The following PPFIA4 variants were observed in gnomAD, a reference collection of about 807,000 sequenced individuals.
PPFIA4 encodes the protein PPFI scaffold protein A4.
In PPFIA4, 98 loss-of-function variants were observed where a neutral mutation model predicts 145.7. The observed-to-expected ratio is 0.67, with a 90% CI of 0.57 to 0.80. The LOEUF is 0.80. Ranked by LOEUF, PPFIA4 falls within the 30% of genes least tolerant of loss-of-function variation. PPFIA4 has a pLI of 0.00. For missense variants in PPFIA4, 1,457 were observed against 1,632.7 expected (o/e 0.89, Z 1.85); for synonymous variants, 628 against 649.6 (o/e 0.97, Z 0.51).
Position 203,055,607 on chromosome 1 carries a change from T to C in PPFIA4, c.2005T>C (p.Ser669Pro). ...ASASPPLSGR[S>P]TPKLTSRSAA... ...CGCGTCCCCACCACTCAGCGGCCGC[T>C]CCACACCTAAGCTCACCTCCCGCAG... Residue 669 changes from serine to proline, a missense_variant, in exon 16 of 30, where the codon TCC (serine) becomes CCC (proline). Around this residue, in one of 3 missense-constraint regions of PPFIA4, gnomAD observed 848 missense variants for 1,046.7 expected, o/e 0.81. Transcript: ENST00000295706. This position sits in a 1 kb window ranked among gnomAD's most constrained non-coding sequence, Gnocchi z 4.8. 2 of 1,613,904 alleles carry C rather than the reference T, an allele frequency of 1.2e-6. No individual in the cohort carries two copies. The highest frequency in any genetic ancestry group is 2.7e-5 in the African/African-American group (2 of 75,008).
chr1:203,034,747 G>C (rs1327798386), intron 1 of PPFIA4: 4 of 455,818 alleles, frequency 8.8e-6, no homozygotes, highest in Non-Finnish European at 1.8e-5. Flanking sequence ...AGGCCGAGGG[G>C]AGCTGTCCTC....
In PPFIA4 at chr1:203,049,667, C is replaced by T. The variant is rs755526895; in HGVS notation, c.1420-9C>T. The T allele has an allele frequency of 4.6e-6, 7 of 1,513,326 alleles. No individual in the cohort carries two copies. The highest frequency in any genetic ancestry group is 6.2e-6 in the Non-Finnish European group (7 of 1,127,212). 93.7% of individuals were successfully genotyped at this position (1,513,326 alleles called of 1,614,324 possible). On this transcript the variant is annotated splice_polypyrimidine_tract_variant and intron_variant, in intron 12 of 29. Transcript: ENST00000295706. ...CACTCCCGCCCCCACCCCGGGTCTG[C>T]TGGCACAGGGCCGCCTGTCTGAAGA...
intron 27 of PPFIA4, among the ~76,000 whole-genome samples, chr1:203,071,435 T>TGCTGAGATTACAGGTGTGAGCCACCGC (rs373961170): frequency 6.6e-6 from 1 of 151,270 alleles, no homozygotes; most frequent in South Asian, 2.1e-4. Context: ...CCTCCCAAAG[T>TGCTGAGATTACAGGTGTGAGCCACCGC]GCCCGGCCAC....
In PPFIA4 at chr1:203,044,764, G is replaced by T; in HGVS notation, c.645G>T (p.Leu215=). 6.4e-7 allele frequency: 1 copy of T among 1,565,190 alleles called. No homozygotes were observed. The highest frequency in any genetic ancestry group is 8.7e-7 in the Non-Finnish European group (1 of 1,155,104). ...GAAEEEGTVE[L]GPKRLWKEDT... is the part of the protein sequence containing the mutation. The stretch of plus-strand genomic sequence containing the variant: ...CAGAAGAGGAGGGGACTGTGGAGCT[G>T]GGGCCGAAACGCCTGTGGAAGGTAG... Residue 215 remains leucine, a synonymous_variant, in exon 6 of 30, where the codon CTG becomes CTT. Coordinates refer to ENST00000295706, the MANE Select transcript of PPFIA4 (RefSeq NM_001304331.2).
intron 17 of PPFIA4, 34 bp from the exon 18 acceptor site, chr1:203,056,341 C>T (rs745772201): frequency 2.5e-6 from 4 of 1,610,372 alleles, no homozygotes; most frequent in Non-Finnish European, 3.4e-6. Context: ...GAGATCTCTC[C>T]CTCTATCCCC....
chr1:203,032,636 G>T (rs1317195908), intron 1 of PPFIA4, among the ~76,000 whole-genome samples: 7 of 143,794 alleles, frequency 4.9e-5, no homozygotes, highest in Admixed American at 3.5e-4. Context: ...TTTTAAGAGA[G>T]GATGTCTCAC....
At position 203,046,236 on chromosome 1, in the gene PPFIA4, C is replaced by G. The variant is rs780800215; in HGVS notation, c.1006-12C>G. The G allele has an allele frequency of 1.3e-6, 2 of 1,582,472 alleles. No individual in the cohort carries two copies. The highest frequency in any genetic ancestry group is 1.2e-5 in the South Asian group (1 of 86,858). On this transcript the variant is annotated splice_polypyrimidine_tract_variant and intron_variant, in intron 8 of 29. Coordinates refer to ENST00000295706, the MANE Select transcript of PPFIA4 (RefSeq NM_001304331.2). ...TCCCTTTTGAATCACTTCACCACCC[C>G]CACATTGCTAGTGTGAGGAGAAGGC... is the stretch of plus-strand genomic sequence containing the variant.
Position 203,060,375 on chromosome 1 carries a change from G to T in PPFIA4, c.2742G>T (p.Met914Ile). The T allele has an allele frequency of 1.2e-6, 2 of 1,613,924 alleles. No homozygotes were observed. Among genetic ancestry groups the T allele is most frequent in the Non-Finnish European group, 1.7e-6 (2 of 1,179,892 alleles). ...AGCTCCGCCTGGCCATTCAGGAGAT[G>T]GTGTCATTGACCAGCCCCTCTGCCC... ...RLKLRLAIQE[M>I]VSLTSPSAPP... The change falls in exon 22 of 30, where the codon ATG becomes ATT. Residue 914 changes from methionine (M) to isoleucine (I), a missense_variant. Physicochemically the swap from Met to Ile is conservative, Grantham distance 10. This residue lies in a region of PPFIA4 where 848 missense variants were observed against 1,046.7 expected (regional missense o/e 0.81). Coordinates refer to ENST00000295706, the MANE Select transcript of PPFIA4 (RefSeq NM_001304331.2). This position sits in a 1 kb window ranked among gnomAD's most constrained non-coding sequence, Gnocchi z 4.8.
chr1:203,034,438 C>T (rs1011134829), intron 1 of PPFIA4: 7 of 455,414 alleles, frequency 1.5e-5, no homozygotes, highest in African/African-American at 6.0e-5. Flanking sequence ...AGCTTCTGGG[C>T]AGCCTGAGGC....
intron 1 of PPFIA4, among the ~76,000 whole-genome samples, chr1:203,031,088 C>T (rs1052446014): frequency 7.2e-5 from 11 of 152,198 alleles, no homozygotes; most frequent in Admixed American, 7.2e-4. Flanking sequence ...TCCCCTCTCT[C>T]TCCCTATTGC....
Position 203,043,962 on chromosome 1 carries a change from C to T in PPFIA4, c.368C>T (p.Ser123Phe). ...LLLEHLECLV[S>F]RHERSLRMTV... Reference sequence around the variant, plus strand: ...CTGGAACATCTGGAGTGCCTGGTGTCCCGCCATGAACGGTCACTGCGGATG... The same window carrying T: ...CTGGAACATCTGGAGTGCCTGGTGTTCCGCCATGAACGGTCACTGCGGATG... Residue 123 changes from serine to phenylalanine, a missense_variant, in exon 4 of 30, where the codon TCC (serine) becomes TTC (phenylalanine). By Grantham distance (155) the Ser-to-Phe change is radical. Around this residue, in one of 3 missense-constraint regions of PPFIA4, gnomAD observed 463 missense variants for 459.8 expected, o/e 1.01. Coordinates refer to ENST00000295706, the MANE Select transcript of PPFIA4 (RefSeq NM_001304331.2). This position sits in a 1 kb window ranked among gnomAD's most constrained non-coding sequence, Gnocchi z 4.4. The T allele has an allele frequency of 3.1e-6, 5 of 1,610,292 alleles. No homozygotes were observed. Among genetic ancestry groups the T allele is most frequent in the Non-Finnish European group, 4.2e-6 (5 of 1,178,482 alleles).
chr1:203,053,825 A>T lies in PPFIA4; in HGVS notation c.1693A>T (p.Ile565Phe). Residue 565 changes from isoleucine (I) to phenylalanine (F), a missense_variant, in exon 15 of 30, where the codon ATC becomes TTC. Ile to Phe is a conservative substitution (Grantham distance 21, BLOSUM62 0). This residue lies in a region of PPFIA4 where 848 missense variants were observed against 1,046.7 expected (regional missense o/e 0.81). Coordinates refer to ENST00000295706, the MANE Select transcript of PPFIA4 (RefSeq NM_001304331.2). The stretch of plus-strand genomic sequence containing the variant: ...CCCTGCCTTTGACAGTGACCCTGAG[A>T]TCTCCGACGTGGATGAGGATGAGCC... ...AGPAFDSDPE[I>F]SDVDEDEPGG... The T allele has an allele frequency of 5.8e-6, 9 of 1,553,552 alleles. No individual in the cohort carries two copies. Among genetic ancestry groups the T allele is most frequent in the Non-Finnish European group, 7.0e-6 (8 of 1,148,070 alleles).
chr1:203,054,111 T>TG (rs34595153), intron 15 of PPFIA4, 150 bp downstream of exon 15: 1 of 877,436 alleles, frequency 1.1e-6, no homozygotes, highest in Non-Finnish European at 1.8e-6. Flanking sequence ...TCAGGCCCGC[T>TG]GCCAGTGCCG....
chr1:203,052,395 C>A (rs141689736), intron 14 of PPFIA4, among the ~76,000 whole-genome samples: 1 of 152,118 alleles, frequency 6.6e-6, no homozygotes, highest in African/African-American at 2.4e-5. Flanking sequence ...CAGAAAAATG[C>A]CGAGTTTGAT....
At chr1:203,052,054 C>CT (rs985255116) in intron 14 of PPFIA4, among the ~76,000 whole-genome samples, 177 bp downstream of exon 14, 4 of 104,198 alleles carry the variant, frequency 3.8e-5, no homozygotes, top group African/African-American at 7.5e-5. Context: ...TGCCCCCCCC[C>CT]CCGCTTGCCT....
Position 203,045,443 on chromosome 1 carries a change from C to CGACT in PPFIA4, c.744_747dup (p.Val250ThrfsTer10). The stretch of plus-strand genomic sequence containing the variant: ...CTTTGAGTTGAGCCAGGCCCGGGAG[C>CGACT]GACTGGTCACCCTAACAACAACCGT... On this transcript the variant is annotated frameshift_variant, in exon 7 of 30. Transcript: ENST00000295706. LOFTEE classifies it high-confidence loss of function. 1.2e-6 allele frequency: 2 copies of CGACT among 1,609,536 alleles called. No homozygotes were observed. The highest frequency in any genetic ancestry group is 1.7e-6 in the Non-Finnish European group (2 of 1,178,616).
chr1:203,051,389 C>T (rs1660492402), intron 13 of PPFIA4: 1 of 902,666 alleles, frequency 1.1e-6, no homozygotes, highest in South Asian at 4.7e-5. Context: ...CTCCCAGTGC[C>T]TGGAGCCCTC....
chr1:203,071,170 A>ATT (rs36050212), intron 27 of PPFIA4, among the ~76,000 whole-genome samples: 2 of 116,610 alleles, frequency 1.7e-5, no homozygotes, highest in Non-Finnish European at 3.5e-5. Flanking sequence ...CAAGACTGCT[A>ATT]TTTTTTTTTT....
rs112954911 is a variant in PPFIA4, at chr1:203,069,674, C to T, written c.3324+1046C>T. On this transcript the variant is annotated intron_variant, in intron 27 of 29. Coordinates refer to ENST00000295706, the MANE Select transcript of PPFIA4 (RefSeq NM_001304331.2). Reference sequence around the variant, plus strand: ...GAATGAGGGTAGGGCTGTGTTGTCTCGTAATTCTGGGCAGTGTGTTGGCCT... The same window carrying T: ...GAATGAGGGTAGGGCTGTGTTGTCTTGTAATTCTGGGCAGTGTGTTGGCCT... Among the ~76,000 whole-genome samples the T allele has an allele frequency of 3.2e-3, 481 of 152,024 alleles. 1 individual carries two copies. Among genetic ancestry groups the T allele is most frequent in the African/African-American group, 0.011 (456 of 41,500 alleles).
Sources: gnomAD v4.1 joint callset for allele counts (sites outside exome capture counted in the v4.1 genomes callset) on GRCh38, gnomAD v4.1.1 for gene constraint, gnomAD v4.1.1 regional missense constraint, Gnocchi (gnomAD v3.1) non-coding constraint, MANE v1.5 for transcripts, NCBI Gene and HGNC (gene_info 2026-07-23, HGNC 2026-07-21) for gene names.